Variants in THSD7A observed in about 807,000 individuals in gnomAD.
THSD7A encodes thrombospondin type-1 domain-containing protein 7A.
A neutral mutation model predicts 231.3 loss-of-function variants in THSD7A; 96 were observed. That is an observed-to-expected ratio of 0.41 (90% CI 0.35 to 0.49). The LOEUF is 0.49. Ranked by LOEUF, THSD7A falls within the 20% of genes least tolerant of loss-of-function variation. THSD7A has a pLI of 0.05. For synonymous variants in THSD7A, 940 were observed against 743.3 expected (o/e 1.26, Z -4.30); for missense variants, 2,290 against 2,070.2 (o/e 1.11, Z -2.06).
chr7:11,408,194 T>C (rs1294771948), intron 19 of THSD7A, among the ~76,000 whole-genome samples: 1 of 152,166 alleles, frequency 6.6e-6, no homozygotes, highest in African/African-American at 2.4e-5. Context: ...AAAATCTCTA[T>C]GGTACAAAGT....
intron 1 of THSD7A, among the ~76,000 whole-genome samples, chr7:11,688,717 G>A (rs761456120): frequency 6.6e-6 from 1 of 151,770 alleles, no homozygotes; most frequent in South Asian, 2.1e-4. Context: ...CAAGGAGAGA[G>A]TAACAAGAGG....
intron 1 of THSD7A, among the ~76,000 whole-genome samples, chr7:11,705,473 G>C (rs1288537356): frequency 6.6e-6 from 1 of 150,842 alleles, no homozygotes; most frequent in Non-Finnish European, 1.5e-5. Flanking sequence ...AGTGATTCTA[G>C]GAATCATATT....
intron 2 of THSD7A, among the ~76,000 whole-genome samples, chr7:11,622,146 C>G (rs972363154): frequency 2.0e-5 from 3 of 151,814 alleles, no homozygotes; most frequent in Non-Finnish European, 4.4e-5. Context: ...TAATATTGGT[C>G]TTGTCTTAAC....
intron 2 of THSD7A, among the ~76,000 whole-genome samples, chr7:11,606,669 A>G (rs1780744619): frequency 6.6e-6 from 1 of 152,122 alleles, no homozygotes. Context: ...ATACTTTTTT[A>G]TATTAATGAT....
chr7:11,596,465 T>G (rs537588789), intron 2 of THSD7A, among the ~76,000 whole-genome samples: 54 of 152,240 alleles, frequency 3.5e-4, no homozygotes, highest in African/African-American at 1.3e-3. Context: ...GAATGCATAA[T>G]TGGCATAGAC....
Position 11,636,503 on chromosome 7 carries a change from G to T in THSD7A, c.649C>A (p.Arg217=). Residue 217 remains arginine (R), a synonymous_variant, in exon 2 of 28, where the codon CGG becomes AGG. Transcript: ENST00000423059. This position sits in a 1 kb window ranked among gnomAD's most constrained non-coding sequence, Gnocchi z 10.0. The stretch of plus-strand genomic sequence containing the variant: ...GGGGGCGCCACCACATGACGCGTCC[G>T]GTGCTGGAGCCCGCTGCCGCAGGTC... ...SKTCGSGLQH[R]TRHVVAPPQF... The T allele has an allele frequency of 1.2e-6, 2 of 1,613,832 alleles. No individual in the cohort carries two copies. The highest frequency in any genetic ancestry group is 1.7e-6 in the Non-Finnish European group (2 of 1,179,860).
chr7:11,543,044 A>C lies in THSD7A; in HGVS notation c.1527T>G (p.Cys509Trp). 1.2e-6 allele frequency: 2 copies of C among 1,613,846 alleles called. No homozygotes were observed. Among genetic ancestry groups the C allele is most frequent in the Non-Finnish European group, 1.7e-6 (2 of 1,179,746 alleles). Reference sequence around the variant, plus strand: ...AAGGTGAAACTTCACATTCAGTTGGACAAGGAATGTGGCACAGCTGTGTAG... The same window carrying C: ...AAGGTGAAACTTCACATTCAGTTGGCCAAGGAATGTGGCACAGCTGTGTAG... Reference protein sequence around the residue: ...PNTTQLCHIPCPTECEVSPWS... With the variant: ...PNTTQLCHIPWPTECEVSPWS... Residue 509 changes from cysteine to tryptophan, a missense_variant, in exon 5 of 28, where the codon TGT becomes TGG. By Grantham distance (215) the Cys-to-Trp change is radical. Transcript: ENST00000423059.
At chr7:11,709,109 T>C (rs1214945441) in intron 1 of THSD7A, among the ~76,000 whole-genome samples, 1 of 150,754 alleles carries the variant, frequency 6.6e-6, no homozygotes, top group Non-Finnish European at 1.5e-5. Context: ...ACTAGTATAA[T>C]CTGAGCTAAG....
At chr7:11,483,676 G>A (rs746048344) in intron 6 of THSD7A, among the ~76,000 whole-genome samples, 1 of 152,070 alleles carries the variant, frequency 6.6e-6, no homozygotes, top group Non-Finnish European at 1.5e-5. Context: ...CTTAGTGCAA[G>A]GGGTGCTCTC....
chr7:11,382,119 C>G (rs1437765174), intron 24 of THSD7A, among the ~76,000 whole-genome samples: 1 of 152,028 alleles, frequency 6.6e-6, no homozygotes, highest in Non-Finnish European at 1.5e-5. Context: ...ATCATATTCC[C>G]TTGCTGGTAT....
intron 4 of THSD7A, among the ~76,000 whole-genome samples, chr7:11,586,421 G>C (rs17164840): frequency 0.09 from 13,707 of 152,048 alleles, 1,110 homozygotes; most frequent in African/African-American, 0.22. Context: ...AGAATCTATG[G>C]AGACTCTCTT....
intron 4 of THSD7A, among the ~76,000 whole-genome samples, chr7:11,548,176 C>T (rs1789477217): frequency 6.6e-6 from 1 of 151,972 alleles, no homozygotes; most frequent in Non-Finnish European, 1.5e-5. Context: ...ACAAAGGTGA[C>T]ATAACCAGTG....
rs768946717 is a variant in THSD7A at position 11,401,858 on chromosome 7, T to C, written c.4348A>G (p.Ile1450Val). ...GIQVRSRPVIIQELENQHLCP... is the reference protein window; with the variant it reads ...GIQVRSRPVIVQELENQHLCP... ...AGATGCTGATTCTCTAGTTCTTGTA[T>C]AATCACCGGTCTGGATCTGACCTGT... The change falls in exon 23 of 28, where the codon ATA (isoleucine) becomes GTA (valine). Residue 1450 changes from isoleucine to valine, a missense_variant. Transcript: ENST00000423059. 1.2e-6 allele frequency: 2 copies of C among 1,613,994 alleles called. No individual in the cohort carries two copies. The highest frequency in any genetic ancestry group is 2.2e-5 in the South Asian group (2 of 91,078).
chr7:11,828,092 T>G (rs1020980653), intron 1 of THSD7A, among the ~76,000 whole-genome samples: 8 of 152,230 alleles, frequency 5.3e-5, no homozygotes, highest in Non-Finnish European at 2.9e-5. Context: ...TTCCAGCTTC[T>G]AAACTCATCT....
intron 6 of THSD7A, among the ~76,000 whole-genome samples, chr7:11,517,735 ATAG>A (rs1486547390): frequency 2.6e-5 from 4 of 152,228 alleles, no homozygotes; most frequent in African/African-American, 7.2e-5. Context: ...AGATAATTTT[ATAG>A]TAGGTTTATT....
chr7:11,658,777 C>G (rs913670693), intron 1 of THSD7A, among the ~76,000 whole-genome samples: 2 of 151,672 alleles, frequency 1.3e-5, no homozygotes, highest in Non-Finnish European at 3.0e-5. Context: ...AAAGCAGAGG[C>G]TACTAGTGTG....
In THSD7A at chr7:11,720,613, C is replaced by CT. The variant is rs537100816; in HGVS notation, c.191-83653dup. Among the ~76,000 whole-genome samples the CT allele has an allele frequency of 1.1e-3, 165 of 151,818 alleles. 2 individuals are homozygous for CT. Among genetic ancestry groups the CT allele is most frequent in the African/African-American group, 3.7e-3 (154 of 41,488 alleles). ...TTGCAGTTTAACTCTTCCAAAGTTG[C>CT]TTTTTTCATTTTCTTTTTCCTCTAT... On this transcript the variant is annotated intron_variant, in intron 1 of 27. Transcript: ENST00000423059.
chr7:11,609,931 G>A (rs1161042593), intron 2 of THSD7A, among the ~76,000 whole-genome samples: 2 of 151,996 alleles, frequency 1.3e-5, no homozygotes, highest in African/African-American at 2.4e-5. Context: ...GAAAATCACT[G>A]ACCATCTCTA....
intron 6 of THSD7A, among the ~76,000 whole-genome samples, chr7:11,495,646 G>A (rs900165609): frequency 3.9e-5 from 6 of 151,982 alleles, no homozygotes; most frequent in African/African-American, 1.2e-4. Flanking sequence ...AACCACTATT[G>A]AACTAGAAAA....
Sources: allele counts gnomAD v4.1 joint callset (sites outside exome capture counted in the v4.1 genomes callset), GRCh38; gene constraint gnomAD v4.1.1; non-coding constraint Gnocchi (gnomAD v3.1); transcripts MANE v1.5; gene names NCBI Gene and HGNC (gene_info 2026-07-23, HGNC 2026-07-21).